GPHN: variants seen among roughly 807,000 people sequenced by gnomAD.
The protein encoded by GPHN is gephyrin.
Under a neutral mutation model 95.5 loss-of-function variants are expected in GPHN, and 17 were observed. The observed-to-expected ratio is 0.18, with a 90% CI of 0.12 to 0.27. GPHN has a LOEUF of 0.27. GPHN is among the 10% of genes least tolerant of loss of function. GPHN has a pLI of 1.00. For synonymous variants in GPHN, 320 were observed against 322.5 expected (o/e 0.99, Z 0.08); for missense variants, 660 against 978.1 (o/e 0.67, Z 4.34).
chr14:66,658,500 G>A (rs1490105464), intron 1 of GPHN, among the ~76,000 whole-genome samples: 1 of 152,126 alleles, frequency 6.6e-6, no homozygotes, highest in African/African-American at 2.4e-5. Context: ...GAGTCAACCT[G>A]TGGGGCAACT....
the GPHN span, among the ~76,000 whole-genome samples, chr14:67,641,871 T>C: frequency 6.6e-5 from 10 of 152,248 alleles, no homozygotes. Context: ...TTCTTAATTT[T>C]CTTTAAGATT....
the GPHN span, among the ~76,000 whole-genome samples, chr14:67,325,979 C>CTTTTTTTT: frequency 1.2e-3 from 132 of 110,174 alleles, no homozygotes; most frequent in African/African-American, 2.5e-3. Context: ...CGGCTCTTTT[C>CTTTTTTTT]TTTTTTTTTT....
chr14:67,476,336 C>T, the GPHN span, among the ~76,000 whole-genome samples: 1 of 152,192 alleles, frequency 6.6e-6, no homozygotes, highest in Non-Finnish European at 1.5e-5. Context: ...CCTGTAATCC[C>T]AGAACTGTGA....
chr14:66,891,488 T>C lies in GPHN; in HGVS notation c.389+11455T>C, dbSNP rs574267024. On this transcript the variant is annotated intron_variant, in intron 5 of 22. Transcript: ENST00000478722. ...ACCTTTGCCTACTGAATATAAAAAT[T>C]AATTCAAAATGGATCAAAGACCTGT... is the stretch of plus-strand genomic sequence containing the variant. Among the ~76,000 whole-genome samples the C allele has an allele frequency of 3.0e-4, 46 of 152,102 alleles. 1 individual carries two copies. In the South Asian group the frequency reaches 9.5e-3, roughly 32 times the overall value.
At chr14:67,680,539 C>T in the GPHN span, among the ~76,000 whole-genome samples, 2 of 152,158 alleles carry the variant, frequency 1.3e-5, no homozygotes, top group Non-Finnish European at 2.9e-5. Flanking sequence ...TCGCAGCTCA[C>T]TACAACCTCC....
intron 9 of GPHN, among the ~76,000 whole-genome samples, chr14:67,020,853 T>G (rs1459841051): frequency 6.6e-6 from 1 of 152,128 alleles, no homozygotes; most frequent in Non-Finnish European, 1.5e-5. Context: ...CCCTGACAAA[T>G]TTAACGTTAG....
At chr14:67,014,408 A>G (rs896737362) in intron 9 of GPHN, among the ~76,000 whole-genome samples, 1 of 152,098 alleles carries the variant, frequency 6.6e-6, no homozygotes, top group Non-Finnish European at 1.5e-5. Context: ...TTTCCAGAAT[A>G]CTACTCCCCA....
At chr14:66,954,004 G>A (rs193207069) in intron 8 of GPHN, among the ~76,000 whole-genome samples, 6 of 149,248 alleles carry the variant, frequency 4.0e-5, no homozygotes, top group Non-Finnish European at 7.4e-5. Context: ...GATTGCACGC[G>A]AGCCTGGGCA....
the GPHN span, chr14:67,384,914 G>A: frequency 6.6e-6 from 1 of 152,164 alleles, no homozygotes; most frequent in Non-Finnish European, 1.5e-5. Flanking sequence ...TTAGAAAGCT[G>A]GCAACATGAA....
intron 1 of GPHN, among the ~76,000 whole-genome samples, chr14:66,633,552 C>A (rs948010488): frequency 2.0e-5 from 3 of 151,962 alleles, no homozygotes; most frequent in Non-Finnish European, 2.9e-5. Context: ...GAATAGTATT[C>A]CAGTGTATGA....
At chr14:67,481,408 C>T in the GPHN span, among the ~76,000 whole-genome samples, 1 of 152,164 alleles carries the variant, frequency 6.6e-6, no homozygotes, top group African/African-American at 2.4e-5. Flanking sequence ...AGGGGAAGCA[C>T]ACCACGGCAA....
At chr14:66,936,360 C>T (rs1596436140) in intron 8 of GPHN, among the ~76,000 whole-genome samples, 1 of 150,822 alleles carries the variant, frequency 6.6e-6, no homozygotes, top group East Asian at 1.9e-4. Flanking sequence ...TCCTGGGTGA[C>T]GAGAAACTCC....
At chr14:67,503,828 C>G in the GPHN span, among the ~76,000 whole-genome samples, 12 of 144,810 alleles carry the variant, frequency 8.3e-5, no homozygotes, top group African/African-American at 3.1e-4. Flanking sequence ...CTCAGCCTCC[C>G]GAGTAGCTGG....
the GPHN span, among the ~76,000 whole-genome samples, chr14:67,402,995 A>T: frequency 1.3e-5 from 2 of 152,164 alleles, no homozygotes; most frequent in African/African-American, 4.8e-5. Context: ...AGGAGCCTCT[A>T]AATTGTTCTG....
intron 4 of GPHN, among the ~76,000 whole-genome samples, chr14:66,871,542 T>A (rs1292801859): frequency 6.6e-6 from 1 of 152,196 alleles, no homozygotes; most frequent in Non-Finnish European, 1.5e-5. Flanking sequence ...ATTTATAACA[T>A]AGAAGTAGTG....
chr14:67,604,233 A>T, the GPHN span, among the ~76,000 whole-genome samples: 1 of 152,222 alleles, frequency 6.6e-6, no homozygotes, highest in African/African-American at 2.4e-5. Flanking sequence ...ATTTAAGGAA[A>T]TGTTTTAATT....
rs2058193218 is a variant in GPHN at position 66,747,368 on chromosome 14, CAT to C, written c.144-29095_144-29094del. ...GTGAAAAAAGTAATTATAAAATAAA[CAT>C]CAGGTATTTTTGTTCTTATTTGTAT... On this transcript the variant is annotated intron_variant, in intron 2 of 22. Coordinates refer to ENST00000478722, the MANE Select transcript of GPHN (RefSeq NM_020806.5). Among the ~76,000 whole-genome samples, 3 of 152,050 alleles carry C rather than the reference CAT, an allele frequency of 2.0e-5. No individual in the cohort carries two copies. In the South Asian group the frequency reaches 6.2e-4, roughly 31 times the overall value.
the GPHN span, chr14:67,412,062 C>T: frequency 6.5e-7 from 1 of 1,547,774 alleles, no homozygotes; most frequent in Non-Finnish European, 8.7e-7. Context: ...TCCTCCATGT[C>T]GCCGCCCGCA....
At chr14:67,573,768 C>G in the GPHN span, 2 of 1,408,758 alleles carry the variant, frequency 1.4e-6, no homozygotes, top group Non-Finnish European at 2.0e-6. The surrounding 1 kb of genome is among the most constrained non-coding windows in gnomAD (Gnocchi z 4.8). Flanking sequence ...GCTCCACATT[C>G]AGTGGCTCTC....
Sources: allele counts gnomAD v4.1 joint callset (sites outside exome capture counted in the v4.1 genomes callset), GRCh38; gene constraint gnomAD v4.1.1; non-coding constraint Gnocchi (gnomAD v3.1); transcripts MANE v1.5; gene names NCBI Gene and HGNC (gene_info 2026-07-23, HGNC 2026-07-21).